Variants in CCDC146 observed in about 807,000 individuals in gnomAD.
The protein encoded by CCDC146 is coiled-coil domain containing 146.
A neutral mutation model predicts 119.3 loss-of-function variants in CCDC146; 92 were observed. The observed-to-expected ratio is 0.77, with a 90% CI of 0.65 to 0.92. CCDC146 has a LOEUF of 0.92. CCDC146 is among the 40% of genes least tolerant of loss of function. The pLI is 0.00. For synonymous variants in CCDC146, 372 were observed against 371.8 expected (o/e 1.00, Z -0.01); for missense variants, 1,000 against 1,103.0 (o/e 0.91, Z 1.32).
intron 10 of CCDC146, 77 bp from the exon 11 acceptor site, chr7:77,274,405 G>T: frequency 1.0e-6 from 1 of 955,762 alleles, no homozygotes; most frequent in Non-Finnish European, 1.5e-6. Context: ...GAAGTAAAAA[G>T]GTAGTCTAAG....
In CCDC146 at chr7:77,278,938, CTGAGAGAG is replaced by C; in HGVS notation, c.1533_1540del (p.Arg512CysfsTer2). 1 of 1,608,194 alleles carries C rather than the reference CTGAGAGAG, an allele frequency of 6.2e-7. No homozygotes were observed. The highest frequency in any genetic ancestry group is 8.5e-7 in the Non-Finnish European group (1 of 1,178,300). On this transcript the variant is annotated frameshift_variant and splice_region_variant, in exon 13 of 19. Transcript: ENST00000285871. LOFTEE classifies it high-confidence loss of function. ...AGTAAACACTTTGTATTTTTACAGACTGAGAGAGTTTGCTAAACTGTATGACACCATTC... is the reference window on the plus strand; with the variant it reads ...AGTAAACACTTTGTATTTTTACAGACTTTGCTAAACTGTATGACACCATTC...
chr7:77,239,190 C>A (rs933421001), intron 3 of CCDC146, among the ~76,000 whole-genome samples: 3 of 152,206 alleles, frequency 2.0e-5, no homozygotes, highest in Non-Finnish European at 2.9e-5. Flanking sequence ...CCCTACCACC[C>A]TGTCCTTTCT....
intron 2 of CCDC146, among the ~76,000 whole-genome samples, chr7:77,232,569 C>G (rs1350315467): frequency 6.6e-6 from 1 of 152,188 alleles, no homozygotes; most frequent in Non-Finnish European, 1.5e-5. Flanking sequence ...CAAATAAAGT[C>G]AAAGGCAGGG....
In CCDC146 at chr7:77,196,699, C is replaced by T. The variant is rs1453814475; in HGVS notation, c.156+28875C>T. ...CATTAAAGTCTTCAAGATCTATTCTCAGAATCATTTCCTTACTCTTGGTCA... is the reference window on the plus strand; with the variant it reads ...CATTAAAGTCTTCAAGATCTATTCTTAGAATCATTTCCTTACTCTTGGTCA... On this transcript the variant is annotated intron_variant, in intron 2 of 18. Coordinates refer to ENST00000285871, the MANE Select transcript of CCDC146 (RefSeq NM_020879.3). The surrounding 1 kb of genome is among the most constrained non-coding windows in gnomAD (Gnocchi z 4.2). 1.2e-5 allele frequency: 20 copies of T among 1,614,222 alleles called. No homozygotes were observed. Among genetic ancestry groups the T allele is most frequent in the Non-Finnish European group, 1.4e-5 (17 of 1,180,016 alleles).
rs189555580 is a variant in CCDC146 at position 77,206,106 on chromosome 7, T to G, written c.157-30841T>G. Among the ~76,000 whole-genome samples, 399 of 152,310 alleles carry G rather than the reference T, an allele frequency of 2.6e-3. 4 individuals are homozygous for G. Among genetic ancestry groups the G allele is most frequent in the South Asian group, 0.024 (116 of 4,828 alleles). ...ATAGATGATCCACAGGTCCCACAAG[T>G]ATTAATTTTGGGGTTACAAATAAAT... On this transcript the variant is annotated intron_variant, in intron 2 of 18. Transcript: ENST00000285871.
chr7:77,134,015 C>G (rs1790825601), intron 1 of CCDC146, among the ~76,000 whole-genome samples: 1 of 152,124 alleles, frequency 6.6e-6, no homozygotes, highest in Non-Finnish European at 1.5e-5. Context: ...CCTGTGGATA[C>G]CAAAATCCAC....
At chr7:77,153,590 C>T (rs1791137530) in intron 1 of CCDC146, among the ~76,000 whole-genome samples, 1 of 148,370 alleles carries the variant, frequency 6.7e-6, no homozygotes, top group Non-Finnish European at 1.5e-5. Context: ...TAATGAGAAA[C>T]ACTTCAAGAT....
intron 2 of CCDC146, among the ~76,000 whole-genome samples, chr7:77,204,405 G>T (rs143163795): frequency 2.8e-4 from 43 of 152,308 alleles, no homozygotes; most frequent in African/African-American, 8.9e-4. Context: ...TAGTTGGTAG[G>T]TTCTGTGGTA....
At chr7:77,195,713 G>T (rs544142547) in intron 2 of CCDC146, 1 of 152,372 alleles carries the variant, frequency 6.6e-6, no homozygotes, top group African/African-American at 2.4e-5. Context: ...CTGGAGTGCA[G>T]TGGCTCAGTC....
Position 77,221,637 on chromosome 7 carries a change from G to A in CCDC146, c.157-15310G>A, listed in dbSNP as rs951254924. Among the ~76,000 whole-genome samples the A allele has an allele frequency of 1.1e-4, 16 of 152,296 alleles. No individual in the cohort carries two copies. In the South Asian group the frequency reaches 1.9e-3, roughly 18 times the overall value. On this transcript the variant is annotated intron_variant, in intron 2 of 18. Transcript: ENST00000285871. ...GAGCACCTGGTGTGTGACATGTACC[G>A]TGCAGGGTTCTTAGGACACTAGAAT... is the stretch of plus-strand genomic sequence containing the variant.
chr7:77,278,433 T>G (rs2903923), intron 11 of CCDC146, among the ~76,000 whole-genome samples: 53,769 of 142,696 alleles, frequency 0.38, 11,024 homozygotes, highest in African/African-American at 0.55. Context: ...AGCCAAGAAA[T>G]AATTTTTTTT....
At chr7:77,143,782 A>T (rs78752246) in intron 1 of CCDC146, among the ~76,000 whole-genome samples, 72,203 of 151,280 alleles carry the variant, frequency 0.48, 18,260 homozygotes, top group African/African-American at 0.58. Context: ...TATATCTCTG[A>T]TTTGGTACCA....
chr7:77,266,924 G>T (rs993626766), intron 9 of CCDC146, among the ~76,000 whole-genome samples: 2 of 151,796 alleles, frequency 1.3e-5, no homozygotes, highest in Non-Finnish European at 2.9e-5. Context: ...AAGCAAACAG[G>T]TTTCATCTCA....
chr7:77,236,512 A>G (rs904722143), intron 2 of CCDC146, among the ~76,000 whole-genome samples: 2 of 152,238 alleles, frequency 1.3e-5, no homozygotes, highest in African/African-American at 2.4e-5. Flanking sequence ...GGAGATGATA[A>G]TCTTTATTTC....
At chr7:77,268,404 G>C (rs1210120552) in intron 9 of CCDC146, among the ~76,000 whole-genome samples, 2 of 152,180 alleles carry the variant, frequency 1.3e-5, no homozygotes, top group African/African-American at 2.4e-5. Context: ...ATGAGTACCA[G>C]TTCTGCTCCT....
chr7:77,245,897 G>C (rs1232122618), intron 4 of CCDC146, among the ~76,000 whole-genome samples: 1 of 151,588 alleles, frequency 6.6e-6, no homozygotes, highest in Non-Finnish European at 1.5e-5. Context: ...TTGCTCTTCT[G>C]TGGCAACAAA....
rs757452562 is a variant in CCDC146 at position 77,254,522 on chromosome 7, A to C, written c.466A>C (p.Ile156Leu). Residue 156 changes from isoleucine to leucine, a missense_variant, in exon 5 of 19, where the codon ATC (isoleucine) becomes CTC (leucine). Transcript: ENST00000285871. The stretch of plus-strand genomic sequence containing the variant: ...TTTTTGCAGCTTAAAGGAAGAAAAA[A>C]TCATCATAGTAAAAGAATTTGAGAA... ...YRLNSLKEEK[I>L]IIVKEFEKIT... 1 of 1,548,290 alleles carries C rather than the reference A, an allele frequency of 6.5e-7. No individual in the cohort carries two copies. The highest frequency in any genetic ancestry group is 2.3e-5 in the East Asian group (1 of 44,416).
chr7:77,198,902 T>C, intron 2 of CCDC146: 1 of 460,588 alleles, frequency 2.2e-6, no homozygotes. Context: ...ATCAAGAAAT[T>C]CTCTCTACTT....
At chr7:77,210,829 G>A (rs1194983931) in intron 2 of CCDC146, among the ~76,000 whole-genome samples, 1 of 152,156 alleles carries the variant, frequency 6.6e-6, no homozygotes, top group Non-Finnish European at 1.5e-5. Flanking sequence ...GGCTGGGGCA[G>A]GAGGGAGAGA....
Sources: gnomAD v4.1 joint callset for allele counts (sites outside exome capture counted in the v4.1 genomes callset) on GRCh38, gnomAD v4.1.1 for gene constraint, Gnocchi (gnomAD v3.1) non-coding constraint, MANE v1.5 for transcripts, NCBI Gene and HGNC (gene_info 2026-07-23, HGNC 2026-07-21) for gene names.